SMAD5: variants seen among roughly 807,000 people sequenced by gnomAD.
The protein encoded by SMAD5 is SMAD family member 5.
A neutral mutation model predicts 43.1 loss-of-function variants in SMAD5; 9 were observed. The ratio of observed to expected loss-of-function variants is 0.21; its 90% CI spans 0.13 to 0.36. The LOEUF is 0.36. SMAD5 is among the 10% of genes least tolerant of loss of function. The probability of loss-of-function intolerance (pLI) is 1.00; values close to 1 mark genes in which losing one functional copy is unlikely to be tolerated. For missense variants in SMAD5, 348 were observed against 574.0 expected, an observed-to-expected ratio of 0.61 and a Z score of 4.02; for synonymous variants, 190 against 192.4, an observed-to-expected ratio of 0.99 and a Z score of 0.10.
At chr5:136,175,985 T>C (rs1754402448) in intron 7 of SMAD5, among the ~76,000 whole-genome samples, 1 of 152,156 alleles carries the variant, frequency 6.6e-6, no homozygotes, top group Non-Finnish European at 1.5e-5. Context: ...TATTTCAATT[T>C]TTATCTGCAG....
At position 136,172,675 on chromosome 5, in the gene SMAD5, A is replaced by G. The variant is rs369313993; in HGVS notation, c.997+20A>G. On this transcript the variant is annotated intron_variant, in intron 6 of 7. Coordinates refer to ENST00000545279, the MANE Select transcript of SMAD5 (RefSeq NM_005903.7). ...GAAAAGGTAATCTTGTCATTTTCCT[A>G]CATTTAATCGAATTCAATCATTTGT... is the stretch of plus-strand genomic sequence containing the variant. 665 of 1,452,092 alleles carry G rather than the reference A, an allele frequency of 4.6e-4. No individual in the cohort carries two copies. Among genetic ancestry groups the G allele is most frequent in the Non-Finnish European group, 6.2e-4 (639 of 1,032,440 alleles). 90.0% of individuals were successfully genotyped at this position (1,452,092 alleles called of 1,614,324 possible).
chr5:136,168,795 C>G (rs1273461237), intron 5 of SMAD5, among the ~76,000 whole-genome samples: 1 of 152,172 alleles, frequency 6.6e-6, no homozygotes, highest in Non-Finnish European at 1.5e-5. Context: ...TGCAAAATGT[C>G]ATAGTTAGAA....
intron 7 of SMAD5, among the ~76,000 whole-genome samples, chr5:136,175,783 T>C (rs557384159): frequency 6.6e-6 from 1 of 152,296 alleles, no homozygotes; most frequent in African/African-American, 2.4e-5. Flanking sequence ...AGTTTACTGG[T>C]TACCCTGAAG....
In SMAD5 at chr5:136,153,976, A is replaced by G. The variant is rs370739165; in HGVS notation, c.216A>G (p.Leu72=). 9.3e-6 allele frequency: 15 copies of G among 1,610,860 alleles called. No individual in the cohort carries two copies. The African/African-American group carries it at 2.0e-4, about 22-fold the overall frequency. ...PSKCVTIPRS[L]DGRLQVSHRK... ...AATGTGTCACTATTCCCAGATCTTTAGATGGACGCCTGCAGGTTTCTCACA... is the reference window on the plus strand; with the variant it reads ...AATGTGTCACTATTCCCAGATCTTTGGATGGACGCCTGCAGGTTTCTCACA... Residue 72 remains leucine (L), a synonymous_variant, in exon 3 of 8, where the codon TTA becomes TTG. Coordinates refer to ENST00000545279, the MANE Select transcript of SMAD5 (RefSeq NM_005903.7).
intron 4 of SMAD5, 110 bp from the exon 5 acceptor site, chr5:136,163,162 G>T: frequency 7.0e-6 from 6 of 853,904 alleles, no homozygotes; most frequent in Admixed American, 3.1e-5. Context: ...TTTTTTGTGT[G>T]TGATGTTCAG....
intron 5 of SMAD5, among the ~76,000 whole-genome samples, chr5:136,167,163 G>A (rs886806307): frequency 3.0e-5 from 4 of 135,246 alleles, no homozygotes; most frequent in African/African-American, 9.4e-5. Context: ...TTTTAGTTTC[G>A]CCTAGCATTT....
chr5:136,174,761 A>T, intron 7 of SMAD5, 129 bp downstream of exon 7: 1 of 631,650 alleles, frequency 1.6e-6, no homozygotes, highest in South Asian at 2.2e-5. Flanking sequence ...AGGTTTTTAA[A>T]TAAAATTATT....
Position 136,168,764 on chromosome 5 carries a change from T to C in SMAD5, c.776-3670T>C, listed in dbSNP as rs1218273098. Among the ~76,000 whole-genome samples, 4 of 152,250 alleles carry C rather than the reference T, an allele frequency of 2.6e-5. No individual in the cohort carries two copies. The East Asian group carries it at 5.8e-4, about 22-fold the overall frequency. ...CCCTTGCAACCACTGATCTTTTTAC[T>C]GTCTCTATAGTTTTGCCTTTTGCAA... is the stretch of plus-strand genomic sequence containing the variant. On this transcript the variant is annotated intron_variant, in intron 5 of 7. Coordinates refer to ENST00000545279, the MANE Select transcript of SMAD5 (RefSeq NM_005903.7).
At chr5:136,175,737 T>C (rs1485886769) in intron 7 of SMAD5, among the ~76,000 whole-genome samples, 1 of 152,224 alleles carries the variant, frequency 6.6e-6, no homozygotes, top group Non-Finnish European at 1.5e-5. Context: ...GTCCAGTGTT[T>C]TCATGATACT....
rs147711430 is a variant in SMAD5, at chr5:136,163,156, T to C, written c.656-116T>C. 1.6e-3 allele frequency: 1,243 copies of C among 797,572 alleles called. 17 individuals are homozygous for C. In the African/African-American group the frequency reaches 0.018, roughly 11 times the overall value. 49.4% of individuals were successfully genotyped at this position (797,572 alleles called of 1,614,324 possible). On this transcript the variant is annotated intron_variant, in intron 4 of 7. Coordinates refer to ENST00000545279, the MANE Select transcript of SMAD5 (RefSeq NM_005903.7). ...CCCTAGGATAGTATCCTACATTTTTTTGTGTGTGATGTTCAGTAATGAAGC... is the reference window on the plus strand; with the variant it reads ...CCCTAGGATAGTATCCTACATTTTTCTGTGTGTGATGTTCAGTAATGAAGC...
intron 1 of SMAD5, among the ~76,000 whole-genome samples, chr5:136,140,020 ACT>A (rs1223217973): frequency 7.0e-6 from 1 of 141,962 alleles, no homozygotes; most frequent in Non-Finnish European, 1.5e-5. Flanking sequence ...GCCCAGGATA[ACT>A]CTTTTTTTTT....
chr5:136,149,008 TC>T (rs1287404192), intron 2 of SMAD5, among the ~76,000 whole-genome samples: 1 of 151,870 alleles, frequency 6.6e-6, no homozygotes, highest in East Asian at 1.9e-4. Context: ...ATGGAAAATT[TC>T]TAGCTCCCTA....
At chr5:136,176,153 C>T (rs1447645570) in intron 7 of SMAD5, among the ~76,000 whole-genome samples, 2 of 150,838 alleles carry the variant, frequency 1.3e-5, no homozygotes, top group African/African-American at 2.4e-5. Flanking sequence ...AAAAATTTTT[C>T]GTTAAAAAAA....
intron 1 of SMAD5, chr5:136,134,741 TTG>T (rs1752817350): frequency 6.6e-6 from 1 of 152,226 alleles, no homozygotes; most frequent in South Asian, 2.1e-4. Context: ...TGATGATTAT[TTG>T]TGTGATTGTT....
At position 136,180,565 on chromosome 5, in the gene SMAD5, T is replaced by C. The variant is rs965087338; in HGVS notation, c.*3085T>C. ...CAGTATTGGTCTGGTCAGTATTGCC[T>C]GGCTGACGTGAAATGTAAACTAGTA... On this transcript the variant is annotated 3_prime_UTR_variant, in exon 8 of 8. Coordinates refer to ENST00000545279, the MANE Select transcript of SMAD5 (RefSeq NM_005903.7). The C allele has an allele frequency of 6.6e-6, 1 of 152,190 alleles. No homozygotes were observed. Among genetic ancestry groups the C allele is most frequent in the Non-Finnish European group, 1.5e-5 (1 of 67,992 alleles). The allele number at this position is 152,190 out of a possible 1,614,324, so 9.4% of individuals were successfully genotyped here. A position where few individuals can be genotyped will look rare whatever the true frequency, so the allele number is the denominator to read the frequency against.
At chr5:136,137,674 T>C (rs1309166214) in intron 1 of SMAD5, among the ~76,000 whole-genome samples, 1 of 152,198 alleles carries the variant, frequency 6.6e-6, no homozygotes, top group Non-Finnish European at 1.5e-5. Flanking sequence ...TGCAAAAATA[T>C]TTAAAAGCCA....
At position 136,172,026 on chromosome 5, in the gene SMAD5, CCATATGAGCA is replaced by C. The variant is rs1338464812; in HGVS notation, c.776-405_776-396del. ...TCTAAGAGCATGCACTGAGGAGGGG[CCATATGAGCA>C]CACAGTGAGAAAGCAGCTGTCTGCA... On this transcript the variant is annotated intron_variant, in intron 5 of 7. Coordinates refer to ENST00000545279, the MANE Select transcript of SMAD5 (RefSeq NM_005903.7). Among the ~76,000 whole-genome samples the C allele has an allele frequency of 2.0e-5, 3 of 152,218 alleles. No individual in the cohort carries two copies. The East Asian group carries it at 5.8e-4, about 29-fold the overall frequency.
intron 1 of SMAD5, among the ~76,000 whole-genome samples, chr5:136,142,862 C>A (rs1445374886): frequency 6.6e-6 from 1 of 151,984 alleles, no homozygotes; most frequent in Non-Finnish European, 1.5e-5. Context: ...CTCTTTATAG[C>A]CCCTGTTCTT....
Position 136,177,660 on chromosome 5 carries a change from C to T in SMAD5, c.*180C>T. The T allele has an allele frequency of 1.8e-6, 1 of 547,540 alleles. No individual in the cohort carries two copies. The highest frequency in any genetic ancestry group is 3.0e-5 in the East Asian group (1 of 33,274). 33.9% of individuals were successfully genotyped at this position (547,540 alleles called of 1,614,324 possible). A position where few individuals can be genotyped will look rare whatever the true frequency, so the allele number is the denominator to read the frequency against. On this transcript the variant is annotated 3_prime_UTR_variant, in exon 8 of 8. Coordinates refer to ENST00000545279, the MANE Select transcript of SMAD5 (RefSeq NM_005903.7). ...ATCTACATTTGTTTGTATTCATGTTCATGTGATTAACTCTTAGAAGTGTTG... is the reference window on the plus strand; with the variant it reads ...ATCTACATTTGTTTGTATTCATGTTTATGTGATTAACTCTTAGAAGTGTTG...
Sources: allele counts gnomAD v4.1 joint callset (sites outside exome capture counted in the v4.1 genomes callset), GRCh38; gene constraint gnomAD v4.1.1; transcripts MANE v1.5; gene names NCBI Gene and HGNC (gene_info 2026-07-23, HGNC 2026-07-21).